The following KRTAP19-1 variants were observed in gnomAD, a reference collection of about 807,000 sequenced individuals.
KRTAP19-1 encodes keratin associated protein 19-1.
For missense variants in KRTAP19-1, 116 were observed against 113.6 expected (o/e 1.02, Z -0.10); for synonymous variants, 45 against 48.3 (o/e 0.93, Z 0.28).
chr21:30,480,165 T>C lies in KRTAP19-1; in HGVS notation c.153A>G (p.Gly51=). The part of the protein sequence containing the change: ...YGGYGYGSGF[G]SYGYGSGFGG... Reference sequence around the variant, plus strand: ...CAAAGCCAGAGCCATATCCGTAGCTTCCAAAGCCAGAGCCATATCCGTAGC... The same window carrying C: ...CAAAGCCAGAGCCATATCCGTAGCTCCCAAAGCCAGAGCCATATCCGTAGC... Residue 51 remains glycine (G), a synonymous_variant, in exon 1 of 1, where the codon GGA becomes GGG. Transcript: ENST00000390689. 6.2e-7 allele frequency: 1 copy of C among 1,614,002 alleles called. No homozygotes were observed. Among genetic ancestry groups the C allele is most frequent in the Admixed American group, 1.7e-5 (1 of 60,000 alleles).
rs1036976502 is a variant in KRTAP19-1 at position 30,479,770 on chromosome 21, T to C, written c.*275A>G. On this transcript the variant is annotated 3_prime_UTR_variant, in exon 1 of 1. Transcript: ENST00000390689. ...AAGTTTTTGCTAGGATCTTGATAGA[T>C]AACATCAAGGTAATGGTGGTAAGAA... is the stretch of plus-strand genomic sequence containing the variant. The C allele has an allele frequency of 2.2e-6, 1 of 444,776 alleles. No individual in the cohort carries two copies. Among genetic ancestry groups the C allele is most frequent in the African/African-American group, 1.9e-5 (1 of 51,442 alleles). 27.6% of individuals were successfully genotyped at this position (444,776 alleles called of 1,614,324 possible). A position where few individuals can be genotyped will look rare whatever the true frequency, so the allele number is the denominator to read the frequency against.
In KRTAP19-1 at chr21:30,480,345, T is replaced by C. The variant is rs569051193; in HGVS notation, c.-28A>G. ...TGTCAGGAGTGGTGAGTTGGTTTGTTGTTCAGGCAAGATCCTGAGTGTGAA... is the reference window on the plus strand; with the variant it reads ...TGTCAGGAGTGGTGAGTTGGTTTGTCGTTCAGGCAAGATCCTGAGTGTGAA... On this transcript the variant is annotated 5_prime_UTR_variant, in exon 1 of 1. Transcript: ENST00000390689. 13 of 1,613,380 alleles carry C rather than the reference T, an allele frequency of 8.1e-6. No homozygotes were observed. In the South Asian group the frequency reaches 9.9e-5, roughly 12 times the overall value.
chr21:30,480,009 G>A lies in KRTAP19-1; in HGVS notation c.*36C>T. ...CACGGGACAGGACCAAACACATTTG[G>A]AGGTTTCTCCTCTGCTTCCAATTTC... On this transcript the variant is annotated 3_prime_UTR_variant, in exon 1 of 1. Coordinates refer to ENST00000390689, the MANE Select transcript of KRTAP19-1 (RefSeq NM_181607.3). 4 of 1,613,830 alleles carry A rather than the reference G, an allele frequency of 2.5e-6. No individual in the cohort carries two copies. The highest frequency in any genetic ancestry group is 3.4e-6 in the Non-Finnish European group (4 of 1,179,744).
chr21:30,480,112 C>T lies in KRTAP19-1; in HGVS notation c.206G>A (p.Gly69Glu). ...FGGYGYGSGF[G>E]GYGYGCCRPS... is the part of the protein sequence containing the mutation. ...GCGGCAGCAGCCATATCCATAGCCTCCAAAGCCAGAGCCATATCCGTAGCC... is the reference window on the plus strand; with the variant it reads ...GCGGCAGCAGCCATATCCATAGCCTTCAAAGCCAGAGCCATATCCGTAGCC... The change falls in exon 1 of 1, where the codon GGA becomes GAA. Residue 69 changes from glycine (G) to glutamate (E), a missense_variant. Coordinates refer to ENST00000390689, the MANE Select transcript of KRTAP19-1 (RefSeq NM_181607.3). The T allele has an allele frequency of 1.2e-6, 2 of 1,600,230 alleles. No homozygotes were observed. The highest frequency in any genetic ancestry group is 1.7e-6 in the Non-Finnish European group (2 of 1,167,200).
rs1985718885 is a variant in KRTAP19-1, at chr21:30,479,808, T to G, written c.*237A>C. On this transcript the variant is annotated 3_prime_UTR_variant, in exon 1 of 1. Transcript: ENST00000390689. The stretch of plus-strand genomic sequence containing the variant: ...ATGGTGGTAAGAAAAATAAAGCAAA[T>G]TTAGAAGAACAACCTAGAGTAGTTA... 2 of 577,080 alleles carry G rather than the reference T, an allele frequency of 3.5e-6. No homozygotes were observed. The highest frequency in any genetic ancestry group is 5.9e-6 in the Non-Finnish European group (2 of 338,736). 35.7% of individuals were successfully genotyped at this position (577,080 alleles called of 1,614,324 possible).
chr21:30,480,252 G>C lies in KRTAP19-1; in HGVS notation c.66C>G (p.Gly22=), dbSNP rs754861521. The change falls in exon 1 of 1, where the codon GGC becomes GGG. Residue 22 remains glycine, a synonymous_variant. Coordinates refer to ENST00000390689, the MANE Select transcript of KRTAP19-1 (RefSeq NM_181607.3). Reference sequence around the variant, plus strand: ...TGCCACATCCACAGCCATAGCCATAGCCCAGGCCACCGAAGCCTCCACAGC... The same window carrying C: ...TGCCACATCCACAGCCATAGCCATACCCCAGGCCACCGAAGCCTCCACAGC... ...GYSCGGFGGL[G]YGYGCGCGSF... 5.0e-6 allele frequency: 8 copies of C among 1,614,104 alleles called. No individual in the cohort carries two copies. The highest frequency in any genetic ancestry group is 6.8e-6 in the Non-Finnish European group (8 of 1,180,006).
At position 30,480,305 on chromosome 21, in the gene KRTAP19-1, C is replaced by T. The variant is rs1231747765; in HGVS notation, c.13G>A (p.Gly5Ser). The change falls in exon 1 of 1, where the codon GGC becomes AGC. Residue 5 changes from glycine (G) to serine (S), a missense_variant. Gly to Ser is a moderately conservative substitution (Grantham distance 56). Transcript: ENST00000390689. MSHY[G>S]SYYGGLGYSC... ...TAGCCCAGGCCTCCGTAGTAGCTGC[C>T]GTAGTGACTCATGGTGTCAGGAGTG... The T allele has an allele frequency of 4.3e-6, 7 of 1,614,026 alleles. No homozygotes were observed. The highest frequency in any genetic ancestry group is 5.9e-6 in the Non-Finnish European group (7 of 1,180,026).
chr21:30,480,216 T>G lies in KRTAP19-1; in HGVS notation c.102A>C (p.Arg34Ser). Residue 34 changes from arginine (R) to serine (S), a missense_variant, in exon 1 of 1, where the codon AGA becomes AGC. Transcript: ENST00000390689. Reference sequence around the variant, plus strand: ...CTCCATAGCCACAGCCAGAACCCCGTCTGCAGAAGCTGCCACATCCACAGC... The same window carrying G: ...CTCCATAGCCACAGCCAGAACCCCGGCTGCAGAAGCTGCCACATCCACAGC... ...GYGCGCGSFCRRGSGCGYGGY... is the reference protein window; with the variant it reads ...GYGCGCGSFCSRGSGCGYGGY... 1 of 1,613,990 alleles carries G rather than the reference T, an allele frequency of 6.2e-7. No individual in the cohort carries two copies. The highest frequency in any genetic ancestry group is 8.5e-7 in the Non-Finnish European group (1 of 1,179,988).
At position 30,479,775 on chromosome 21, in the gene KRTAP19-1, TCAAGGTAATGGTGGTAAGAA is replaced by T. The variant is rs1250674662; in HGVS notation, c.*250_*269del. On this transcript the variant is annotated 3_prime_UTR_variant, in exon 1 of 1. Coordinates refer to ENST00000390689, the MANE Select transcript of KRTAP19-1 (RefSeq NM_181607.3). ...TTTGCTAGGATCTTGATAGATAACA[TCAAGGTAATGGTGGTAAGAA>T]AAATAAAGCAAATTTAGAAGAACAA... 1.5e-5 allele frequency: 7 copies of T among 475,948 alleles called. No individual in the cohort carries two copies. Among genetic ancestry groups the T allele is most frequent in the Non-Finnish European group, 2.6e-5 (7 of 268,274 alleles). 29.5% of individuals were successfully genotyped at this position (475,948 alleles called of 1,614,324 possible).
In KRTAP19-1 at chr21:30,479,762, T is replaced by G. The variant is rs1363693374; in HGVS notation, c.*283A>C. On this transcript the variant is annotated 3_prime_UTR_variant, in exon 1 of 1. Transcript: ENST00000390689. Reference sequence around the variant, plus strand: ...CAAAATACAAGTTTTTGCTAGGATCTTGATAGATAACATCAAGGTAATGGT... The same window carrying G: ...CAAAATACAAGTTTTTGCTAGGATCGTGATAGATAACATCAAGGTAATGGT... 4.8e-6 allele frequency: 2 copies of G among 419,794 alleles called. No individual in the cohort carries two copies. Among genetic ancestry groups the G allele is most frequent in the East Asian group, 4.0e-5 (1 of 25,184 alleles). 26.0% of individuals were successfully genotyped at this position (419,794 alleles called of 1,614,324 possible).
rs79947910 is a variant in KRTAP19-1 at position 30,480,003 on chromosome 21, C to T, written c.*42G>A. 10 of 1,613,438 alleles carry T rather than the reference C, an allele frequency of 6.2e-6. No homozygotes were observed. In the African/African-American group the frequency reaches 8.0e-5, roughly 13 times the overall value. ...TGAAAGCACGGGACAGGACCAAACA[C>T]ATTTGGAGGTTTCTCCTCTGCTTCC... is the stretch of plus-strand genomic sequence containing the variant. On this transcript the variant is annotated 3_prime_UTR_variant, in exon 1 of 1. Coordinates refer to ENST00000390689, the MANE Select transcript of KRTAP19-1 (RefSeq NM_181607.3).
rs527789069 is a variant in KRTAP19-1, at chr21:30,479,967, G to T, written c.*78C>A. On this transcript the variant is annotated 3_prime_UTR_variant, in exon 1 of 1. Coordinates refer to ENST00000390689, the MANE Select transcript of KRTAP19-1 (RefSeq NM_181607.3). The stretch of plus-strand genomic sequence containing the variant: ...CATTGATGCTGAAGGCAATAGAATG[G>T]ATTTTTGGAATGAAAGCACGGGACA... 6.3e-7 allele frequency: 1 copy of T among 1,575,996 alleles called. No homozygotes were observed. Among genetic ancestry groups the T allele is most frequent in the African/African-American group, 1.4e-5 (1 of 73,874 alleles).
chr21:30,479,878 C>A lies in KRTAP19-1; in HGVS notation c.*167G>T. ...GTGACGGACTCCGAAAGTAAAAAGA[C>A]AACAAATATTCACAGAAGCAGCTTA... On this transcript the variant is annotated 3_prime_UTR_variant, in exon 1 of 1. Transcript: ENST00000390689. 1 of 963,546 alleles carries A rather than the reference C, an allele frequency of 1.0e-6. No homozygotes were observed. The highest frequency in any genetic ancestry group is 1.6e-6 in the Non-Finnish European group (1 of 643,238). The allele number at this position is 963,546 out of a possible 1,614,324, so 59.7% of individuals were successfully genotyped here. A position where few individuals can be genotyped will look rare whatever the true frequency, so the allele number is the denominator to read the frequency against.
chr21:30,480,211 C>G lies in KRTAP19-1; in HGVS notation c.107G>C (p.Gly36Ala). ...GTAGCCTCCATAGCCACAGCCAGAA[C>G]CCCGTCTGCAGAAGCTGCCACATCC... ...GCGCGSFCRRGSGCGYGGYGY... is the reference protein window; with the variant it reads ...GCGCGSFCRRASGCGYGGYGY... The change falls in exon 1 of 1, where the codon GGT becomes GCT. Residue 36 changes from glycine to alanine, a missense_variant. Coordinates refer to ENST00000390689, the MANE Select transcript of KRTAP19-1 (RefSeq NM_181607.3). 6.2e-7 allele frequency: 1 copy of G among 1,614,162 alleles called. No homozygotes were observed. The highest frequency in any genetic ancestry group is 8.5e-7 in the Non-Finnish European group (1 of 1,180,036).
chr21:30,480,040 T>C lies in KRTAP19-1; in HGVS notation c.*5A>G, dbSNP rs111797391. On this transcript the variant is annotated 3_prime_UTR_variant, in exon 1 of 1. Coordinates refer to ENST00000390689, the MANE Select transcript of KRTAP19-1 (RefSeq NM_181607.3). ...TCTCCTCTGCTTCCAATTTCAGCAA[T>C]TCATTTAATAAAAGCCAGAGAATCC... is the stretch of plus-strand genomic sequence containing the variant. 4.8e-5 allele frequency: 78 copies of C among 1,614,174 alleles called. 2 individuals carry two copies. In the African/African-American group the frequency reaches 6.5e-4, roughly 14 times the overall value.
rs766219986 is a variant in KRTAP19-1 at position 30,480,176 on chromosome 21, A to G, written c.142T>C (p.Ser48Pro). The change falls in exon 1 of 1, where the codon TCT (serine) becomes CCT (proline). Residue 48 changes from serine (S) to proline (P), a missense_variant. Transcript: ENST00000390689. ...GCGYGGYGYG[S>P]GFGSYGYGSG... ...CCATATCCGTAGCTTCCAAAGCCAG[A>G]GCCATATCCGTAGCCTCCATAGCCA... The G allele has an allele frequency of 1.2e-6, 2 of 1,614,022 alleles. No homozygotes were observed. Among genetic ancestry groups the G allele is most frequent in the African/African-American group, 2.7e-5 (2 of 74,906 alleles).
rs998001632 is a variant in KRTAP19-1, at chr21:30,480,199, C to A, written c.119G>T (p.Gly40Val). Residue 40 changes from glycine to valine, a missense_variant, in exon 1 of 1, where the codon GGC becomes GTC. Coordinates refer to ENST00000390689, the MANE Select transcript of KRTAP19-1 (RefSeq NM_181607.3). ...AGAGCCATATCCGTAGCCTCCATAG[C>A]CACAGCCAGAACCCCGTCTGCAGAA... is the stretch of plus-strand genomic sequence containing the variant. Reference protein sequence around the residue: ...GSFCRRGSGCGYGGYGYGSGF... With the variant: ...GSFCRRGSGCVYGGYGYGSGF... The A allele has an allele frequency of 6.2e-7, 1 of 1,614,044 alleles. No individual in the cohort carries two copies. The highest frequency in any genetic ancestry group is 8.5e-7 in the Non-Finnish European group (1 of 1,180,040).
At position 30,480,355 on chromosome 21, in the gene KRTAP19-1, A is replaced by C. The variant is rs1555854583; in HGVS notation, c.-38T>G. On this transcript the variant is annotated 5_prime_UTR_variant, in exon 1 of 1. Coordinates refer to ENST00000390689, the MANE Select transcript of KRTAP19-1 (RefSeq NM_181607.3). ...GGTGAGTTGGTTTGTTGTTCAGGCA[A>C]GATCCTGAGTGTGAATGCCAGCATG... 2 of 1,611,750 alleles carry C rather than the reference A, an allele frequency of 1.2e-6. No individual in the cohort carries two copies. Among genetic ancestry groups the C allele is most frequent in the Admixed American group, 1.7e-5 (1 of 59,968 alleles).
rs1985720946 is a variant in KRTAP19-1, at chr21:30,479,885, T to C, written c.*160A>G. On this transcript the variant is annotated 3_prime_UTR_variant, in exon 1 of 1. Coordinates refer to ENST00000390689, the MANE Select transcript of KRTAP19-1 (RefSeq NM_181607.3). ...ACTCCGAAAGTAAAAAGACAACAAA[T>C]ATTCACAGAAGCAGCTTAAATCTAT... The C allele has an allele frequency of 5.0e-6, 5 of 999,636 alleles. No homozygotes were observed. The highest frequency in any genetic ancestry group is 1.6e-5 in the African/African-American group (1 of 61,768). 61.9% of individuals were successfully genotyped at this position (999,636 alleles called of 1,614,324 possible). A position where few individuals can be genotyped will look rare whatever the true frequency, so the allele number is the denominator to read the frequency against.
Sources: gnomAD v4.1 joint callset for allele counts on GRCh38, gnomAD v4.1.1 for gene constraint, MANE v1.5 for transcripts, NCBI Gene and HGNC (gene_info 2026-07-23, HGNC 2026-07-21) for gene names.